Variants in RBM33 observed in about 807,000 individuals in gnomAD.
RBM33 encodes RNA-binding protein 33.
In RBM33, 28 loss-of-function variants were observed where a neutral mutation model predicts 132.6. That is an observed-to-expected ratio of 0.21 (90% confidence interval 0.16 to 0.29). The LOEUF (loss-of-function observed/expected upper bound fraction) is 0.29. Among genes scored for constraint, RBM33 ranks in the 10% least tolerant of loss-of-function variants. RBM33 has a pLI of 1.00. For missense variants in RBM33, 1,291 were observed against 1,518.5 expected (o/e 0.85, Z 2.49); for synonymous variants, 634 against 593.0 (o/e 1.07, Z -1.01).
Position 155,739,833 on chromosome 7 carries a change from ACCAGCCCCCACC to A in RBM33, c.1862_1873del (p.Pro621_Gln624del), listed in dbSNP as rs750859778. 16 of 351,112 alleles carry A rather than the reference ACCAGCCCCCACC, an allele frequency of 4.6e-5. No homozygotes were observed. Among genetic ancestry groups the A allele is most frequent in the South Asian group, 3.4e-4 (11 of 32,038 alleles). 21.7% of individuals were successfully genotyped at this position (351,112 alleles called of 1,614,324 possible). A position where few individuals can be genotyped will look rare whatever the true frequency, so the allele number is the denominator to read the frequency against. On this transcript the variant is annotated inframe_deletion, in exon 12 of 18. Transcript: ENST00000401878. The stretch of plus-strand genomic sequence containing the variant: ...CCCCCGCACCAGCCCCCGCCCCAGC[ACCAGCCCCCACC>A]CCAGCACCCACCACAGCACCCGCCG...
chr7:155,753,739 CATTCAGGTG>C (rs1386946498), intron 14 of RBM33, among the ~76,000 whole-genome samples: 16 of 152,314 alleles, frequency 1.1e-4, no homozygotes, highest in African/African-American at 3.8e-4. Context: ...GAGAGATGCA[CATTCAGGTG>C]CTTGGGGCAG....
chr7:155,656,563 CAT>C (rs1038569611), intron 1 of RBM33, among the ~76,000 whole-genome samples: 4 of 151,932 alleles, frequency 2.6e-5, no homozygotes, highest in African/African-American at 4.8e-5. Context: ...AGTCAAAAAA[CAT>C]ATCGAGTGAG....
chr7:155,663,778 C>T (rs1429291830), intron 1 of RBM33, among the ~76,000 whole-genome samples: 1 of 152,114 alleles, frequency 6.6e-6, no homozygotes, highest in Non-Finnish European at 1.5e-5. Flanking sequence ...CCTACCCCAA[C>T]CACCTGCCCC....
chr7:155,692,066 A>C (rs1799659602), intron 5 of RBM33, among the ~76,000 whole-genome samples: 2 of 151,618 alleles, frequency 1.3e-5, no homozygotes, highest in Non-Finnish European at 2.9e-5. Context: ...AAAAAAAAAG[A>C]AAATTTTTTT....
chr7:155,760,411 G>A (rs1371194482), intron 14 of RBM33, among the ~76,000 whole-genome samples: 1 of 152,202 alleles, frequency 6.6e-6, no homozygotes, highest in East Asian at 1.9e-4. Context: ...AAGACTGTTG[G>A]GTTGCTGAGT....
At chr7:155,758,473 G>A (rs1801922407) in intron 14 of RBM33, among the ~76,000 whole-genome samples, 1 of 152,166 alleles carries the variant, frequency 6.6e-6, no homozygotes, top group Admixed American at 6.5e-5. Context: ...GCAGTTCACA[G>A]TAGGATTCAT....
chr7:155,718,373 T>G lies in RBM33; in HGVS notation c.1202-12T>G. 6.2e-7 allele frequency: 1 copy of G among 1,612,488 alleles called. No individual in the cohort carries two copies. The highest frequency in any genetic ancestry group is 8.5e-7 in the Non-Finnish European group (1 of 1,179,146). Reference sequence around the variant, plus strand: ...TAAAGTGTGTCTCTAACACAAGGGGTTTTTCTTGCAGTGCCCTTGCTACCA... The same window carrying G: ...TAAAGTGTGTCTCTAACACAAGGGGGTTTTCTTGCAGTGCCCTTGCTACCA... On this transcript the variant is annotated splice_polypyrimidine_tract_variant and intron_variant, in intron 8 of 17. Transcript: ENST00000401878.
In RBM33 at chr7:155,745,386, A is replaced by G. The variant is rs1801482815; in HGVS notation, c.2763A>G (p.Gln921=). Residue 921 remains glutamine, a synonymous_variant, in exon 14 of 18, where the codon CAA becomes CAG. Coordinates refer to ENST00000401878, the MANE Select transcript of RBM33 (RefSeq NM_053043.3). The surrounding 1 kb of genome is among the most constrained non-coding windows in gnomAD (Gnocchi z 4.1). ...KHLRQTRTVP[Q]SQTQPLHKVL... ...TGAGACAGACCAGAACAGTTCCTCA[A>G]AGTCAGACTCAGCCGCTGCATAAAG... The G allele has an allele frequency of 1.9e-6, 3 of 1,613,388 alleles. No individual in the cohort carries two copies. The highest frequency in any genetic ancestry group is 2.5e-6 in the Non-Finnish European group (3 of 1,179,690).
At chr7:155,757,823 G>A (rs1180839624) in intron 14 of RBM33, among the ~76,000 whole-genome samples, 16 of 147,674 alleles carry the variant, frequency 1.1e-4, no homozygotes, top group Admixed American at 1.1e-3. Context: ...TCCAATCATG[G>A]TGGAATGCAG....
At chr7:155,697,132 CT>C (rs913949229) in intron 5 of RBM33, among the ~76,000 whole-genome samples, 4 of 152,176 alleles carry the variant, frequency 2.6e-5, no homozygotes, top group East Asian at 1.9e-4. Context: ...TGTAGGCTAC[CT>C]TAAGGGATGG....
At chr7:155,772,247 G>A (rs1385408519) in intron 16 of RBM33, among the ~76,000 whole-genome samples, 1 of 152,188 alleles carries the variant, frequency 6.6e-6, no homozygotes, top group Non-Finnish European at 1.5e-5. Flanking sequence ...AGGCACGGCT[G>A]CAGCAGCTCT....
At chr7:155,671,842 C>T (rs1006266961) in intron 2 of RBM33, among the ~76,000 whole-genome samples, 1 of 152,126 alleles carries the variant, frequency 6.6e-6, no homozygotes, top group African/African-American at 2.4e-5. Flanking sequence ...GAATTAAAAA[C>T]ATGATCTAGT....
chr7:155,772,957 T>C (rs1461089511), intron 16 of RBM33, among the ~76,000 whole-genome samples: 1 of 152,244 alleles, frequency 6.6e-6, no homozygotes, highest in Non-Finnish European at 1.5e-5. Context: ...TCTATAGTTA[T>C]TAAAATGGAG....
chr7:155,694,774 G>A (rs892019511), intron 5 of RBM33, among the ~76,000 whole-genome samples: 1 of 152,152 alleles, frequency 6.6e-6, no homozygotes, highest in African/African-American at 2.4e-5. Flanking sequence ...TCCATTTTAT[G>A]GATGTACCCC....
intron 9 of RBM33, among the ~76,000 whole-genome samples, chr7:155,736,269 T>C (rs1388494085): frequency 6.6e-6 from 1 of 152,168 alleles, no homozygotes; most frequent in Non-Finnish European, 1.5e-5. Context: ...AGTGATAAAA[T>C]GATAGGCCAA....
At chr7:155,741,229 C>G (rs942841148) in intron 12 of RBM33, among the ~76,000 whole-genome samples, 3 of 151,966 alleles carry the variant, frequency 2.0e-5, no homozygotes, top group African/African-American at 4.8e-5. Context: ...CCCCCCTCCC[C>G]CCTTCCAGCT....
intron 9 of RBM33, among the ~76,000 whole-genome samples, chr7:155,737,191 A>G (rs1181473793): frequency 6.6e-6 from 1 of 152,154 alleles, no homozygotes; most frequent in Non-Finnish European, 1.5e-5. Context: ...CCTTGGAGCT[A>G]CTAGTGTGTA....
intron 6 of RBM33, among the ~76,000 whole-genome samples, chr7:155,706,364 C>G (rs1384762468): frequency 6.6e-6 from 1 of 152,168 alleles, no homozygotes; most frequent in Non-Finnish European, 1.5e-5. Flanking sequence ...TGGCGGTGTG[C>G]ACCTGTGTAG....
intron 14 of RBM33, among the ~76,000 whole-genome samples, chr7:155,756,711 C>T (rs76404788): frequency 3.5e-4 from 53 of 152,172 alleles, no homozygotes; most frequent in African/African-American, 1.3e-3. Flanking sequence ...CACTGTGTGC[C>T]GCCCGTGAGT....
Sources: allele counts gnomAD v4.1 joint callset (sites outside exome capture counted in the v4.1 genomes callset), GRCh38; gene constraint gnomAD v4.1.1; non-coding constraint Gnocchi (gnomAD v3.1); transcripts MANE v1.5; gene names NCBI Gene and HGNC (gene_info 2026-07-23, HGNC 2026-07-21).